KCNIP4: variants seen among roughly 807,000 people sequenced by gnomAD.
KCNIP4 encodes Kv channel-interacting protein 4.
KCNIP4 carries 12 observed loss-of-function variants against 34.0 expected under a neutral mutation model. The ratio of observed to expected loss-of-function variants is 0.35; its 90% confidence interval spans 0.23 to 0.57. The LOEUF is 0.57. Ranked by LOEUF, KCNIP4 falls within the 20% of genes least tolerant of loss-of-function variation. The pLI, the probability that KCNIP4 is intolerant of heterozygous loss-of-function variation, is 0.83. For synonymous variants in KCNIP4, 124 were observed against 102.2 expected, an observed-to-expected ratio of 1.21 and a Z score of -1.29; for missense variants, 238 against 311.7, an observed-to-expected ratio of 0.76 and a Z score of 1.78.
chr4:21,108,848 T>G (rs1577706439), intron 1 of KCNIP4, among the ~76,000 whole-genome samples: 1 of 152,048 alleles, frequency 6.6e-6, no homozygotes, highest in East Asian at 1.9e-4. Flanking sequence ...TCTGTTGGAG[T>G]TTTCTAGAGG....
At position 21,779,011 on chromosome 4, in the gene KCNIP4, TGAGA is replaced by T. The variant is rs34076146; in HGVS notation, c.61+169556_61+169559del. 9.3e-3 allele frequency among the ~76,000 whole-genome samples: 1,367 copies of T among 147,762 alleles called. 19 individuals are homozygous for T. Among genetic ancestry groups the T allele is most frequent in the South Asian group, 0.04 (185 of 4,620 alleles). ...GCATGAGTGTGCACGTGTGTGGGCATGAGAGAGAGAGAGAGAGAGAGAGAAGATT... is the reference window on the plus strand; with the variant it reads ...GCATGAGTGTGCACGTGTGTGGGCATGAGAGAGAGAGAGAGAGAGAAGATT... On this transcript the variant is annotated intron_variant, in intron 1 of 8. Transcript: ENST00000382152.
At chr4:21,774,838 AT>A (rs1199186891) in intron 1 of KCNIP4, among the ~76,000 whole-genome samples, 1 of 152,100 alleles carries the variant, frequency 6.6e-6, no homozygotes, top group Non-Finnish European at 1.5e-5. Flanking sequence ...CTAATTAGCA[AT>A]TCATCTAACC....
intron 1 of KCNIP4, among the ~76,000 whole-genome samples, chr4:21,109,699 A>G (rs1236631507): frequency 6.6e-6 from 1 of 152,050 alleles, no homozygotes; most frequent in Non-Finnish European, 1.5e-5. Flanking sequence ...TGCATGACTC[A>G]CGCTGGGAGC....
chr4:21,276,361 CTTTTTT>C (rs3080866), intron 1 of KCNIP4, among the ~76,000 whole-genome samples: 1 of 129,222 alleles, frequency 7.7e-6, no homozygotes. Flanking sequence ...GAGATTTTCT[CTTTTTT>C]TTTTTTTTTT....
intron 1 of KCNIP4, among the ~76,000 whole-genome samples, chr4:21,519,851 T>TG (rs1735369144): frequency 7.0e-6 from 1 of 142,676 alleles, no homozygotes; most frequent in South Asian, 2.2e-4. Context: ...GTGTATATAT[T>TG]TATATATTTA....
intron 1 of KCNIP4, among the ~76,000 whole-genome samples, chr4:21,351,708 T>C (rs1718019000): frequency 6.6e-6 from 1 of 152,024 alleles, no homozygotes; most frequent in Admixed American, 6.6e-5. Flanking sequence ...GAAAAGGAAA[T>C]TAGGACACAG....
chr4:21,869,765 GATAGATAGATA>G (rs1725658606), intron 1 of KCNIP4, among the ~76,000 whole-genome samples: 3 of 150,940 alleles, frequency 2.0e-5, no homozygotes, highest in Non-Finnish European at 4.4e-5. Context: ...TAGATAGATA[GATAGATAGATA>G]GATAGATAGA....
chr4:21,085,933 A>G (rs1746388426), intron 1 of KCNIP4, among the ~76,000 whole-genome samples: 1 of 152,156 alleles, frequency 6.6e-6, no homozygotes. Context: ...GGTTATACTG[A>G]TGAACAAGAT....
chr4:21,695,371 A>T (rs958139338), intron 1 of KCNIP4, among the ~76,000 whole-genome samples: 4 of 152,060 alleles, frequency 2.6e-5, no homozygotes, highest in African/African-American at 9.6e-5. Flanking sequence ...AATCTATGTT[A>T]CTACTTTATG....
intron 5 of KCNIP4, among the ~76,000 whole-genome samples, chr4:20,741,273 TC>T (rs1439923689): frequency 2.6e-5 from 4 of 152,172 alleles, no homozygotes; most frequent in Admixed American, 6.5e-5. Flanking sequence ...TATAGATTCT[TC>T]TCAGCACTAC....
intron 1 of KCNIP4, among the ~76,000 whole-genome samples, chr4:21,766,536 G>A (rs568724900): frequency 3.9e-5 from 6 of 152,168 alleles, no homozygotes; most frequent in Admixed American, 6.5e-5. Flanking sequence ...GGCATAAAGC[G>A]AATTTCCTCG....
chr4:21,784,927 C>T (rs1386901689), intron 1 of KCNIP4, among the ~76,000 whole-genome samples: 1 of 152,158 alleles, frequency 6.6e-6, no homozygotes, highest in Non-Finnish European at 1.5e-5. Flanking sequence ...TTCTTGCATG[C>T]AAACAGTCTT....
At chr4:21,725,782 T>C (rs899379029) in intron 1 of KCNIP4, among the ~76,000 whole-genome samples, 1 of 152,148 alleles carries the variant, frequency 6.6e-6, no homozygotes, top group East Asian at 1.9e-4. Context: ...TGTTTTATTC[T>C]TGGTGATTTC....
chr4:21,119,108 G>A (rs1319183446), intron 1 of KCNIP4, among the ~76,000 whole-genome samples: 1 of 152,106 alleles, frequency 6.6e-6, no homozygotes, highest in Non-Finnish European at 1.5e-5. Context: ...TGAATACTCA[G>A]TGGTGCTAAT....
chr4:21,291,028 C>G (rs60195094), intron 1 of KCNIP4, among the ~76,000 whole-genome samples: 13,452 of 152,254 alleles, frequency 0.088, 805 homozygotes, highest in Admixed American at 0.2. Flanking sequence ...TGAGATCACA[C>G]AGCTTGTTAG....
At chr4:20,763,718 T>C (rs918481720) in intron 3 of KCNIP4, among the ~76,000 whole-genome samples, 6 of 152,076 alleles carry the variant, frequency 3.9e-5, no homozygotes, top group Non-Finnish European at 7.4e-5. Context: ...ATGCTTTATT[T>C]ATTGATTTTT....
chr4:21,147,098 G>T (rs575538298), intron 1 of KCNIP4, among the ~76,000 whole-genome samples: 2 of 152,142 alleles, frequency 1.3e-5, no homozygotes, highest in Non-Finnish European at 2.9e-5. Flanking sequence ...TCTGGCTTCC[G>T]GTTGGGCTCA....
At chr4:21,404,959 C>T (rs948824637) in intron 1 of KCNIP4, among the ~76,000 whole-genome samples, 44 of 152,154 alleles carry the variant, frequency 2.9e-4, no homozygotes, top group Admixed American at 1.8e-3. Flanking sequence ...CTAGGCCTAT[C>T]TGTGCACTTC....
chr4:21,456,357 A>G (rs1232861134), intron 1 of KCNIP4, among the ~76,000 whole-genome samples: 2 of 147,832 alleles, frequency 1.4e-5, no homozygotes, highest in East Asian at 3.9e-4. Context: ...ATGATGGCAC[A>G]TTGTCTCACT....
Sources: allele counts gnomAD v4.1 joint callset (sites outside exome capture counted in the v4.1 genomes callset), GRCh38; gene constraint gnomAD v4.1.1; transcripts MANE v1.5; gene names NCBI Gene and HGNC (gene_info 2026-07-23, HGNC 2026-07-21).